N4BP2L2: variants seen among roughly 807,000 people sequenced by gnomAD.
The protein encoded by N4BP2L2 is NEDD4-binding protein 2-like 2.
In N4BP2L2, 50 loss-of-function variants were observed where a neutral mutation model predicts 56.2. The observed-to-expected ratio is 0.89, with a 90% confidence interval of 0.71 to 1.13. The LOEUF (loss-of-function observed/expected upper bound fraction) is 1.13. Among genes scored for constraint, N4BP2L2 ranks in the 50% most tolerant of loss-of-function variants. N4BP2L2 has a pLI of 0.00. For missense variants in N4BP2L2, 689 were observed against 693.8 expected, an observed-to-expected ratio of 0.99 and a Z score of 0.08; for synonymous variants, 203 against 223.6, an observed-to-expected ratio of 0.91 and a Z score of 0.82.
In N4BP2L2 at chr13:32,473,009, G is replaced by A. The variant is rs191799138; in HGVS notation, c.366-28883C>T. Among the ~76,000 whole-genome samples the A allele has an allele frequency of 5.6e-3, 858 of 152,126 alleles. 10 individuals are homozygous for A. The highest frequency in any genetic ancestry group is 0.017 in the African/African-American group (724 of 41,508). Reference sequence around the variant, plus strand: ...AATTTTTAAAATATTGGTCAGACGCGGTGGCTCACGCCTGTAATCCCAGCA... The same window carrying A: ...AATTTTTAAAATATTGGTCAGACGCAGTGGCTCACGCCTGTAATCCCAGCA... On this transcript the variant is annotated intron_variant, in intron 6 of 9. Transcript: ENST00000357505.
chr13:32,488,765 A>C, intron 6 of N4BP2L2, among the ~76,000 whole-genome samples: 1 of 152,212 alleles, frequency 6.6e-6, no homozygotes. Flanking sequence ...TTTGTAATAG[A>C]AAAAATAAAT....
At chr13:32,437,321 C>T (rs1053062956) in intron 8 of N4BP2L2, among the ~76,000 whole-genome samples, 8 of 152,140 alleles carry the variant, frequency 5.3e-5, no homozygotes, top group African/African-American at 9.7e-5. Flanking sequence ...AATGGACAGA[C>T]GAAATGAGTC....
rs1367837989 is a variant in N4BP2L2, at chr13:32,462,872, A to T, written c.366-18746T>A. On this transcript the variant is annotated intron_variant, in intron 6 of 9. Coordinates refer to the N4BP2L2 transcript ENST00000357505. ...AACCCTGTCTTTACTAAAAAAAAAA[A>T]AAAAAAAAAAAAAAAAAAAAATTAG... Among the ~76,000 whole-genome samples the T allele has an allele frequency of 4.5e-4, 59 of 130,456 alleles. 1 individual carries two copies. Among genetic ancestry groups the T allele is most frequent in the African/African-American group, 1.9e-3 (57 of 30,106 alleles). The allele number at this position is 130,456 out of a possible 152,430, so 85.6% of individuals were successfully genotyped here.
exon 2 of N4BP2L2, chr13:32,535,868 A>T: frequency 6.2e-7 from 1 of 1,614,056 alleles, no homozygotes; most frequent in Non-Finnish European, 8.5e-7. Context: ...CTGGTTCACA[A>T]ACCTGTCTGT....
Position 32,442,593 on chromosome 13 carries a change from C to T in N4BP2L2, c.1899G>A (p.Ser633=), listed in dbSNP as rs758169870. Reference sequence around the variant, plus strand: ...AATCAGAAGTGACTCCCAAAGAGCACGAAGTATCAGGATGACTATGTAAAA... The same window carrying T: ...AATCAGAAGTGACTCCCAAAGAGCATGAAGTATCAGGATGACTATGTAAAA... The change falls in exon 7 of 10, where the codon TCG becomes TCA. Residue 633 remains serine, a synonymous_variant. Transcript: ENST00000357505. 5.2e-5 allele frequency: 84 copies of T among 1,613,724 alleles called. 1 individual carries two copies. In the Middle Eastern group the frequency reaches 6.6e-4, roughly 13 times the overall value.
chr13:32,527,489 C>T, exon 3 of N4BP2L2: 2 of 1,613,658 alleles, frequency 1.2e-6, no homozygotes, highest in Non-Finnish European at 1.7e-6. Flanking sequence ...AAATAGTCAT[C>T]AGTGCTGAAC....
chr13:32,453,193 T>G (rs964965396), intron 6 of N4BP2L2, among the ~76,000 whole-genome samples: 10 of 151,508 alleles, frequency 6.6e-5, no homozygotes, highest in African/African-American at 2.4e-4. Context: ...GAGGCGGAGG[T>G]TGCAGTAAGC....
At chr13:32,517,347 C>G (rs1344556363) in exon 6 of N4BP2L2, 2 of 985,754 alleles carry the variant, frequency 2.0e-6, no homozygotes, top group Non-Finnish European at 2.4e-6. Context: ...TATAATTTTA[C>G]CTGTCTAATG....
At chr13:32,519,129 T>G (rs1290433858) in intron 5 of N4BP2L2, among the ~76,000 whole-genome samples, 1 of 151,524 alleles carries the variant, frequency 6.6e-6, no homozygotes, top group East Asian at 1.9e-4. Flanking sequence ...GCGATGAAGT[T>G]GAAAATTGGC....
intron 6 of N4BP2L2, among the ~76,000 whole-genome samples, chr13:32,477,068 C>T (rs2083490326): frequency 6.6e-6 from 1 of 152,168 alleles, no homozygotes; most frequent in African/African-American, 2.4e-5. Flanking sequence ...AGCCCCAGCA[C>T]TTGTGCCAGG....
chr13:32,453,866 G>T (rs2078521457), intron 6 of N4BP2L2, among the ~76,000 whole-genome samples: 1 of 152,112 alleles, frequency 6.6e-6, no homozygotes, highest in Admixed American at 6.6e-5. Context: ...AACTTTCCTA[G>T]GACAAACACA....
intron 4 of N4BP2L2, 59 bp from the exon 5 acceptor site, chr13:32,521,508 A>G: frequency 8.4e-7 from 1 of 1,185,868 alleles, no homozygotes; most frequent in Middle Eastern, 2.1e-4. Context: ...AAGTAAAAAG[A>G]AGGCAGACAG....
At chr13:32,479,540 C>T (rs1042101173) in intron 6 of N4BP2L2, among the ~76,000 whole-genome samples, 1 of 151,476 alleles carries the variant, frequency 6.6e-6, no homozygotes, top group African/African-American at 2.4e-5. Context: ...CTTGACCTCC[C>T]AAAGTGCTGG....
At chr13:32,437,215 T>G (rs1162894970) in intron 8 of N4BP2L2, among the ~76,000 whole-genome samples, 2 of 152,132 alleles carry the variant, frequency 1.3e-5, no homozygotes, top group African/African-American at 4.8e-5. Flanking sequence ...AAAATATTGC[T>G]CTGTGTGTGT....
intron 6 of N4BP2L2, among the ~76,000 whole-genome samples, chr13:32,499,384 A>C (rs2089520013): frequency 6.6e-6 from 1 of 152,168 alleles, no homozygotes; most frequent in African/African-American, 2.4e-5. Context: ...TACTACACTA[A>C]GCACTTCTTT....
In N4BP2L2 at chr13:32,491,000, CA is replaced by C. The variant is rs5802645; in HGVS notation, c.365+26856del. Among the ~76,000 whole-genome samples the C allele has an allele frequency of 4.6e-3, 668 of 145,602 alleles. 6 individuals carry two copies. The highest frequency in any genetic ancestry group is 0.014 in the African/African-American group (564 of 39,470). On this transcript the variant is annotated intron_variant, in intron 6 of 9. Transcript: ENST00000357505. ...TCCTCATTTTTCACCCAGATTAAAG[CA>C]AAAAAAAAAAAAATACTTTTTTCAG...
At chr13:32,447,434 G>T (rs1475438997) in intron 6 of N4BP2L2, among the ~76,000 whole-genome samples, 3 of 152,122 alleles carry the variant, frequency 2.0e-5, no homozygotes, top group African/African-American at 7.2e-5. Context: ...CAGTGAGAAG[G>T]GATCACATTC....
intron 6 of N4BP2L2, among the ~76,000 whole-genome samples, chr13:32,488,884 T>A (rs999776487): frequency 6.6e-6 from 1 of 152,202 alleles, no homozygotes; most frequent in Non-Finnish European, 1.5e-5. Context: ...TTTAGAATAA[T>A]AAATCCACCT....
chr13:32,464,426 A>G (rs1463193233), intron 6 of N4BP2L2, among the ~76,000 whole-genome samples: 1 of 152,188 alleles, frequency 6.6e-6, no homozygotes, highest in African/African-American at 2.4e-5. Context: ...GGCAATTCCA[A>G]CAGAGTTGTT....
Sources: allele counts gnomAD v4.1 joint callset (sites outside exome capture counted in the v4.1 genomes callset), GRCh38; gene constraint gnomAD v4.1.1; transcripts MANE v1.5; gene names NCBI Gene and HGNC (gene_info 2026-07-23, HGNC 2026-07-21).